Variants in ASTN2 observed in about 807,000 individuals in gnomAD.
The protein encoded by ASTN2 is astrotactin 2, also known as astrotactin-2.
In ASTN2, 54 loss-of-function variants were observed where a neutral mutation model predicts 139.8. That is an observed-to-expected ratio of 0.39 (90% CI 0.31 to 0.48). The LOEUF is 0.48. Ranked by LOEUF, ASTN2 falls within the 20% of genes least tolerant of loss-of-function variation. ASTN2 has a pLI of 0.95. For missense variants in ASTN2, 1,565 were observed against 1,725.1 expected (o/e 0.91, Z 1.64); for synonymous variants, 756 against 719.5 (o/e 1.05, Z -0.81).
intron 3 of ASTN2, among the ~76,000 whole-genome samples, chr9:117,189,394 T>C (rs1008512652): frequency 6.6e-6 from 1 of 152,108 alleles, no homozygotes; most frequent in South Asian, 2.1e-4. Context: ...TAAGATGGCA[T>C]TGACTAGAAA....
chr9:117,002,781 C>G (rs1837228276), intron 7 of ASTN2, among the ~76,000 whole-genome samples: 2 of 152,140 alleles, frequency 1.3e-5, no homozygotes, highest in Admixed American at 6.5e-5. Context: ...AACCTCCCGC[C>G]TTGCTCCAGC....
At chr9:116,826,388 C>T (rs1407752470) in intron 11 of ASTN2, among the ~76,000 whole-genome samples, 1 of 152,164 alleles carries the variant, frequency 6.6e-6, no homozygotes, top group African/African-American at 2.4e-5. Context: ...TGGACTATGT[C>T]CCAGGCTTGG....
chr9:116,860,823 G>A (rs1832857685), intron 11 of ASTN2, among the ~76,000 whole-genome samples: 1 of 152,186 alleles, frequency 6.6e-6, no homozygotes, highest in Admixed American at 6.5e-5. Flanking sequence ...TTGTAGACAT[G>A]CTTTGAGAAT....
chr9:116,828,112 T>C (rs1831692389), intron 11 of ASTN2, among the ~76,000 whole-genome samples: 1 of 151,986 alleles, frequency 6.6e-6, no homozygotes, highest in South Asian at 2.1e-4. Flanking sequence ...CTGGCCAGCA[T>C]GGTGAAACCC....
intron 3 of ASTN2, among the ~76,000 whole-genome samples, chr9:117,207,741 C>T (rs945777830): frequency 1.3e-5 from 2 of 152,136 alleles, no homozygotes; most frequent in Non-Finnish European, 2.9e-5. Context: ...AGGAACAGCC[C>T]CATGGCCCTA....
intron 19 of ASTN2, among the ~76,000 whole-genome samples, chr9:116,503,908 C>A (rs954476743): frequency 6.6e-6 from 1 of 152,118 alleles, no homozygotes; most frequent in Non-Finnish European, 1.5e-5. Context: ...CAAGAACCCA[C>A]AGGTCTCTAA....
intron 4 of ASTN2, among the ~76,000 whole-genome samples, chr9:117,134,678 A>G (rs1006280044): frequency 1.3e-5 from 2 of 152,138 alleles, no homozygotes; most frequent in Non-Finnish European, 2.9e-5. Flanking sequence ...ACTTAGGATT[A>G]CCTGCTCTGT....
intron 19 of ASTN2, among the ~76,000 whole-genome samples, chr9:116,514,453 C>A (rs532572706): frequency 3.2e-4 from 49 of 152,130 alleles, no homozygotes; most frequent in Admixed American, 5.2e-4. Context: ...GGGTCAGGGA[C>A]CCACTTGAGG....
chr9:116,652,126 C>T (rs373499642), intron 16 of ASTN2, among the ~76,000 whole-genome samples: 9 of 152,012 alleles, frequency 5.9e-5, no homozygotes, highest in African/African-American at 2.2e-4. Context: ...GAGTTTGAGA[C>T]CAGCCTGGCC....
chr9:116,698,003 T>TA lies in ASTN2; in HGVS notation c.2806+27767dup. On this transcript the variant is annotated intron_variant, in intron 16 of 22. Transcript: ENST00000313400. The surrounding 1 kb of genome is among the most constrained non-coding windows in gnomAD (Gnocchi z 4.4). ...ATCTGACAGTGCTAAAGATCATTGATACAGCTGGGCTCAGCGAGGCTGTGG... is the reference window on the plus strand; with the variant it reads ...ATCTGACAGTGCTAAAGATCATTGATAACAGCTGGGCTCAGCGAGGCTGTGG... 1 of 1,614,178 alleles carries TA rather than the reference T, an allele frequency of 6.2e-7. No homozygotes were observed. Among genetic ancestry groups the TA allele is most frequent in the Non-Finnish European group, 8.5e-7 (1 of 1,180,040 alleles).
At chr9:117,126,556 G>A (rs1483560647) in intron 4 of ASTN2, among the ~76,000 whole-genome samples, 4 of 152,260 alleles carry the variant, frequency 2.6e-5, no homozygotes, top group African/African-American at 9.6e-5. Flanking sequence ...TTAGAAAGTA[G>A]AATAAACAAA....
At chr9:116,461,809 A>T (rs141413046) in intron 20 of ASTN2, among the ~76,000 whole-genome samples, 4 of 152,166 alleles carry the variant, frequency 2.6e-5, no homozygotes, top group African/African-American at 7.2e-5. Context: ...TATGTTATGC[A>T]CTAAAGTTTT....
At chr9:117,338,235 G>A (rs1037429711) in intron 1 of ASTN2, among the ~76,000 whole-genome samples, 3 of 152,062 alleles carry the variant, frequency 2.0e-5, no homozygotes, top group African/African-American at 7.2e-5. Flanking sequence ...TTACTATTCA[G>A]GACAACTAGT....
chr9:116,507,122 T>C (rs1214978597), intron 19 of ASTN2, among the ~76,000 whole-genome samples: 2 of 152,168 alleles, frequency 1.3e-5, no homozygotes, highest in Admixed American at 6.5e-5. Context: ...GAAGCTGGCA[T>C]TGTGATGCTC....
At chr9:117,070,379 G>A (rs1334524937) in intron 5 of ASTN2, among the ~76,000 whole-genome samples, 1 of 78,022 alleles carries the variant, frequency 1.3e-5, no homozygotes. Context: ...CGAGAGATCC[G>A]CTGTTAGTCT....
chr9:117,292,201 G>A (rs1194717896), intron 1 of ASTN2, among the ~76,000 whole-genome samples: 1 of 152,216 alleles, frequency 6.6e-6, no homozygotes, highest in East Asian at 1.9e-4. Context: ...CCAGTGAGGA[G>A]TGAGGACTTT....
At chr9:117,068,432 G>C (rs1227288936) in intron 5 of ASTN2, among the ~76,000 whole-genome samples, 3 of 88,764 alleles carry the variant, frequency 3.4e-5, no homozygotes, top group African/African-American at 9.2e-5. Context: ...GAGGATTTTT[G>C]CATCAATGTT....
At chr9:116,679,689 C>A (rs1280467745) in intron 16 of ASTN2, among the ~76,000 whole-genome samples, 1 of 152,154 alleles carries the variant, frequency 6.6e-6, no homozygotes, top group African/African-American at 2.4e-5. Context: ...GAACACAGTG[C>A]AATCAAACTT....
At chr9:116,456,507 A>G (rs1848337734) in intron 20 of ASTN2, among the ~76,000 whole-genome samples, 1 of 152,190 alleles carries the variant, frequency 6.6e-6, no homozygotes, top group Non-Finnish European at 1.5e-5. Flanking sequence ...TGATAAGGAC[A>G]TACCTGAGAC....
Sources: gnomAD v4.1 joint callset for allele counts (sites outside exome capture counted in the v4.1 genomes callset) on GRCh38, gnomAD v4.1.1 for gene constraint, Gnocchi (gnomAD v3.1) non-coding constraint, MANE v1.5 for transcripts, NCBI Gene and HGNC (gene_info 2026-07-23, HGNC 2026-07-21) for gene names.